The following TIAM2 variants were observed in gnomAD, a reference collection of about 807,000 sequenced individuals.
TIAM2 encodes TIAM Rac1 associated GEF 2, also known as rho guanine nucleotide exchange factor TIAM2.
TIAM2 carries 80 observed loss-of-function variants against 152.9 expected under a neutral mutation model. That is an observed-to-expected ratio of 0.52 (90% CI 0.44 to 0.63). The LOEUF is 0.63. Ranked by LOEUF, TIAM2 falls within the 30% of genes least tolerant of loss-of-function variation. TIAM2 has a pLI of 0.00. For missense variants in TIAM2, 1,965 were observed against 2,120.1 expected, an observed-to-expected ratio of 0.93 and a Z score of 1.44; for synonymous variants, 804 against 838.0, an observed-to-expected ratio of 0.96 and a Z score of 0.70.
chr6:155,224,094 T>A (rs79125139), intron 15 of TIAM2, among the ~76,000 whole-genome samples: 19 of 152,150 alleles, frequency 1.2e-4, no homozygotes, highest in African/African-American at 4.3e-4. Flanking sequence ...AATCGTCACC[T>A]GGCTGCCTTC....
Position 155,108,987 on chromosome 6 carries a change from TTTG to T in TIAM2, c.-117-18500_-117-18498del, listed in dbSNP as rs1301169797. Among the ~76,000 whole-genome samples the T allele has an allele frequency of 1.3e-4, 20 of 152,292 alleles. No homozygotes were observed. In the East Asian group the frequency reaches 3.9e-3, roughly 29 times the overall value. On this transcript the variant is annotated intron_variant, in intron 2 of 26. Transcript: ENST00000682666. ...GATCCCTTAGTTCAACTTTTTCTTT[TTTG>T]TTTTTTGTTTTGAAACAGAGTCTCA...
rs558648053 is a variant in TIAM2 at position 155,224,111 on chromosome 6, T to TGAA, written c.3168+12804_3168+12805insGAA. 1.8e-3 allele frequency among the ~76,000 whole-genome samples: 271 copies of TGAA among 152,320 alleles called. 1 individual carries two copies. The highest frequency in any genetic ancestry group is 6.1e-3 in the African/African-American group (255 of 41,570). The stretch of plus-strand genomic sequence containing the variant: ...TCGTCACCTGGCTGCCTTCTGTCAA[T>TGAA]ATTCTTGCGTAGAGATTGTAGTCCA... On this transcript the variant is annotated intron_variant, in intron 15 of 26. Coordinates refer to ENST00000682666, the MANE Select transcript of TIAM2 (RefSeq NM_012454.4).
At chr6:155,072,303 C>T (rs1375071286) in intron 1 of TIAM2, among the ~76,000 whole-genome samples, 2 of 152,192 alleles carry the variant, frequency 1.3e-5, no homozygotes, top group Non-Finnish European at 2.9e-5. Flanking sequence ...ACTGGAAATC[C>T]TCCAGTAGGA....
chr6:155,213,964 G>C lies in TIAM2; in HGVS notation c.3168+2657G>C, dbSNP rs1781788936. 6.6e-6 allele frequency among the ~76,000 whole-genome samples: 1 copy of C among 152,220 alleles called. No homozygotes were observed. The highest frequency in any genetic ancestry group is 6.5e-5 in the Admixed American group (1 of 15,290). Reference sequence around the variant, plus strand: ...TACTTTCGAGCCTGTGGGGGCAATGGGTCCTTCCTAGGCCCCTGAGAGTGC... The same window carrying C: ...TACTTTCGAGCCTGTGGGGGCAATGCGTCCTTCCTAGGCCCCTGAGAGTGC... On this transcript the variant is annotated intron_variant, in intron 15 of 26. Coordinates refer to ENST00000682666, the MANE Select transcript of TIAM2 (RefSeq NM_012454.4). This position sits in a 1 kb window ranked among gnomAD's most constrained non-coding sequence, Gnocchi z 4.2.
At chr6:155,061,187 A>T (rs1189980988) in intron 1 of TIAM2, among the ~76,000 whole-genome samples, 1 of 152,206 alleles carries the variant, frequency 6.6e-6, no homozygotes, top group African/African-American at 2.4e-5. Context: ...ATCCATGTGT[A>T]CACACATTTA....
rs562131617 is a variant in TIAM2, at chr6:155,062,600, C to T, written c.-208-27689C>T. ...CTTTTTCTTTTCTTTTTTTTTGAGA[C>T]GGAGTCTTGCTCTTGTTGCCCAGGC... On this transcript the variant is annotated intron_variant, in intron 1 of 26. Coordinates refer to ENST00000682666, the MANE Select transcript of TIAM2 (RefSeq NM_012454.4). 1.7e-4 allele frequency among the ~76,000 whole-genome samples: 23 copies of T among 133,740 alleles called. No homozygotes were observed. The South Asian group carries it at 2.3e-3, about 13-fold the overall frequency. 87.7% of individuals were successfully genotyped at this position (133,740 alleles called of 152,430 possible).
chr6:155,115,558 C>G (rs775124078), intron 2 of TIAM2, among the ~76,000 whole-genome samples: 1 of 152,130 alleles, frequency 6.6e-6, no homozygotes, highest in Non-Finnish European at 1.5e-5. Flanking sequence ...GAGGCTGAGA[C>G]AGGAGGCTCA....
chr6:155,045,552 C>T (rs367780858), intron 1 of TIAM2, among the ~76,000 whole-genome samples: 29 of 152,038 alleles, frequency 1.9e-4, no homozygotes, highest in Middle Eastern at 3.4e-3. Context: ...ATGGGTTTTC[C>T]TCAAATAAGT....
At chr6:155,253,164 A>C in intron 24 of TIAM2, 111 bp downstream of exon 24, 1 of 891,336 alleles carries the variant, frequency 1.1e-6, no homozygotes, top group Non-Finnish European at 1.7e-6. Context: ...TTTATTTTAT[A>C]GACAAGGAAA....
chr6:155,254,569 A>ATT lies in TIAM2; in HGVS notation c.4465_4466dup (p.Leu1489PhefsTer2). 1 of 1,610,016 alleles carries ATT rather than the reference A, an allele frequency of 6.2e-7. No individual in the cohort carries two copies. Among genetic ancestry groups the ATT allele is most frequent in the Non-Finnish European group, 8.5e-7 (1 of 1,176,412 alleles). On this transcript the variant is annotated frameshift_variant, in exon 26 of 27. Coordinates refer to ENST00000682666, the MANE Select transcript of TIAM2 (RefSeq NM_012454.4). LOFTEE classifies it low-confidence loss of function (END_TRUNC). The stretch of plus-strand genomic sequence containing the variant: ...AGAACCGAGTTCCTGTTTCGGCCAA[A>ATT]TTAGGTGAGAATTTTGCTAGCCTTG...
intron 2 of TIAM2, among the ~76,000 whole-genome samples, chr6:155,106,172 T>G (rs958574502): frequency 6.6e-6 from 1 of 151,888 alleles, no homozygotes; most frequent in African/African-American, 2.4e-5. Flanking sequence ...ACCTGGCTAA[T>G]TTTTGTAGTT....
chr6:155,179,192 C>T (rs939070180), intron 11 of TIAM2, 49 bp downstream of exon 11: 2 of 1,534,400 alleles, frequency 1.3e-6, no homozygotes, highest in Non-Finnish European at 1.8e-6. Context: ...CATCTATGGC[C>T]CTTTGATTTT....
Position 155,186,384 on chromosome 6 carries a change from G to A in TIAM2, c.3064+2884G>A, listed in dbSNP as rs1439102898. ...AGCCCCAGCTGTACACAGCAGCCTCGCTTTCACACCTCCCATGGGCTTCCT... is the reference window on the plus strand; with the variant it reads ...AGCCCCAGCTGTACACAGCAGCCTCACTTTCACACCTCCCATGGGCTTCCT... On this transcript the variant is annotated intron_variant, in intron 14 of 26. Coordinates refer to ENST00000682666, the MANE Select transcript of TIAM2 (RefSeq NM_012454.4). The surrounding 1 kb of genome is among the most constrained non-coding windows in gnomAD (Gnocchi z 4.5). Among the ~76,000 whole-genome samples, 1 of 152,084 alleles carries A rather than the reference G, an allele frequency of 6.6e-6. No individual in the cohort carries two copies. Among genetic ancestry groups the A allele is most frequent in the East Asian group, 1.9e-4 (1 of 5,186 alleles).
chr6:155,004,007 T>A (rs988371768), intron 1 of TIAM2, among the ~76,000 whole-genome samples: 2 of 152,174 alleles, frequency 1.3e-5, no homozygotes, highest in Non-Finnish European at 2.9e-5. Flanking sequence ...TTGTGTGAGA[T>A]GTTTTGCACT....
intron 15 of TIAM2, chr6:155,217,090 T>C: frequency 9.3e-6 from 12 of 1,289,594 alleles, no homozygotes; most frequent in Non-Finnish European, 1.2e-5. Flanking sequence ...ATGTACAGCA[T>C]GTAAGTAAAC....
rs1428324099 is a variant in TIAM2, at chr6:155,218,199, A to T, written c.3168+6892A>T. Among the ~76,000 whole-genome samples, 4 of 152,226 alleles carry T rather than the reference A, an allele frequency of 2.6e-5. No homozygotes were observed. The highest frequency in any genetic ancestry group is 2.6e-4 in the Admixed American group (4 of 15,288). ...TATTCAATAGATGAATAGAATCATG[A>T]TCCTTTTCTTAAAACCAAACATGCC... On this transcript the variant is annotated intron_variant, in intron 15 of 26. Coordinates refer to ENST00000682666, the MANE Select transcript of TIAM2 (RefSeq NM_012454.4). This position sits in a 1 kb window ranked among gnomAD's most constrained non-coding sequence, Gnocchi z 4.5.
intron 15 of TIAM2, among the ~76,000 whole-genome samples, chr6:155,220,565 C>G (rs891516594): frequency 3.4e-5 from 5 of 148,466 alleles, no homozygotes; most frequent in Non-Finnish European, 6.0e-5. Context: ...GGGAGGTCAC[C>G]AATTGCCCTT....
chr6:155,105,339 C>T (rs1442820162), intron 2 of TIAM2, among the ~76,000 whole-genome samples: 6 of 150,298 alleles, frequency 4.0e-5, no homozygotes, highest in Non-Finnish European at 1.5e-5. Flanking sequence ...TTAGTAGAGA[C>T]GAGGTTTCAC....
At chr6:155,091,168 A>G (rs906724277) in intron 2 of TIAM2, among the ~76,000 whole-genome samples, 15 of 152,162 alleles carry the variant, frequency 9.9e-5, no homozygotes, top group African/African-American at 3.4e-4. Context: ...CTCCCTCTGA[A>G]GGACGCTGAC....
Sources: gnomAD v4.1 joint callset for allele counts (sites outside exome capture counted in the v4.1 genomes callset) on GRCh38, gnomAD v4.1.1 for gene constraint, Gnocchi (gnomAD v3.1) non-coding constraint, MANE v1.5 for transcripts, NCBI Gene and HGNC (gene_info 2026-07-23, HGNC 2026-07-21) for gene names.